Variants in RHBDL3 observed in about 807,000 individuals in gnomAD.
RHBDL3 encodes rhomboid-related protein 3.
A neutral mutation model predicts 48.2 loss-of-function variants in RHBDL3; 28 were observed. The observed-to-expected ratio is 0.58, with a 90% CI of 0.43 to 0.80. RHBDL3 has a LOEUF of 0.80. Ranked by LOEUF, RHBDL3 falls within the 30% of genes least tolerant of loss-of-function variation. The pLI is 0.00. For missense variants in RHBDL3, 464 were observed against 542.7 expected (o/e 0.85, Z 1.44); for synonymous variants, 208 against 232.3 (o/e 0.90, Z 0.95).
chr17:32,282,365 G>A (rs1279078654), intron 2 of RHBDL3, among the ~76,000 whole-genome samples: 1 of 152,102 alleles, frequency 6.6e-6, no homozygotes, highest in Non-Finnish European at 1.5e-5. Context: ...CCAGGAGTTC[G>A]AGACCAGCCT....
chr17:32,282,661 A>G (rs2040082648), intron 2 of RHBDL3, among the ~76,000 whole-genome samples: 1 of 152,018 alleles, frequency 6.6e-6, no homozygotes, highest in Admixed American at 6.5e-5. Context: ...CTCACTCTGT[A>G]GCCCAGGCTG....
intron 3 of RHBDL3, among the ~76,000 whole-genome samples, chr17:32,288,078 T>C (rs1290206289): frequency 6.6e-6 from 1 of 152,198 alleles, no homozygotes; most frequent in Non-Finnish European, 1.5e-5. Flanking sequence ...TCGGGAGTGG[T>C]GACCTTCCCC....
intron 6 of RHBDL3, among the ~76,000 whole-genome samples, chr17:32,302,239 G>A (rs1050622390): frequency 6.6e-6 from 1 of 152,192 alleles, no homozygotes; most frequent in African/African-American, 2.4e-5. Flanking sequence ...CTTCCTGCCC[G>A]GGGAGGGCCT....
intron 7 of RHBDL3, 146 bp downstream of exon 7, chr17:32,305,587 A>G (rs1475560193): frequency 6.1e-6 from 4 of 657,042 alleles, no homozygotes; most frequent in Non-Finnish European, 2.8e-6. Context: ...CACCCTCTGC[A>G]GGCCCATTTC....
chr17:32,270,362 G>A (rs1338771637), intron 2 of RHBDL3, among the ~76,000 whole-genome samples: 2 of 151,582 alleles, frequency 1.3e-5, no homozygotes, highest in Admixed American at 6.6e-5. Context: ...GATCTGCTAG[G>A]GTCTGTTTTC....
intron 2 of RHBDL3, among the ~76,000 whole-genome samples, chr17:32,273,883 G>A (rs956325564): frequency 1.3e-5 from 2 of 152,132 alleles, no homozygotes; most frequent in Admixed American, 1.3e-4. Flanking sequence ...TTACAGGCGT[G>A]TGCAATCACA....
At chr17:32,307,433 ATCTC>A (rs2040737392) in intron 7 of RHBDL3, among the ~76,000 whole-genome samples, 1 of 152,086 alleles carries the variant, frequency 6.6e-6, no homozygotes, top group Admixed American at 6.6e-5. Context: ...TTCCTTATCA[ATCTC>A]TCTGTCACCC....
At chr17:32,267,680 T>G in intron 1 of RHBDL3, 8 of 132,852 alleles carry the variant, frequency 6.0e-5, no homozygotes, top group Non-Finnish European at 8.2e-5. Flanking sequence ...ACCCCATCCC[T>G]TACTGTGAGT....
rs1380036488 is a variant in RHBDL3, at chr17:32,323,392, G to A, written c.*2163G>A. On this transcript the variant is annotated 3_prime_UTR_variant, in exon 9 of 9. Transcript: ENST00000269051. ...GGGAAGACCAGGGGAGGATGCAGAA[G>A]GAGTCAGGACATTGCTGCCTCTGCC... 6.6e-6 allele frequency: 1 copy of A among 152,360 alleles called. No individual in the cohort carries two copies. Among genetic ancestry groups the A allele is most frequent in the Non-Finnish European group, 1.5e-5 (1 of 68,160 alleles). The allele number at this position is 152,360 out of a possible 1,614,324, so 9.4% of individuals were successfully genotyped here. A position where few individuals can be genotyped will look rare whatever the true frequency, so the allele number is the denominator to read the frequency against.
chr17:32,266,351 A>G (rs1447475292), intron 1 of RHBDL3, 51 bp downstream of exon 1: 3 of 1,007,380 alleles, frequency 3.0e-6, no homozygotes, highest in South Asian at 1.7e-5. Flanking sequence ...GCCGGGGGGA[A>G]AAGCCGCCCC....
intron 2 of RHBDL3, among the ~76,000 whole-genome samples, chr17:32,273,032 C>T (rs1259775357): frequency 6.6e-6 from 1 of 152,188 alleles, no homozygotes; most frequent in East Asian, 1.9e-4. Flanking sequence ...CATAGTTTCG[C>T]TCTTGTTGCC....
At chr17:32,284,073 C>G (rs546878417) in intron 2 of RHBDL3, 2 of 152,370 alleles carry the variant, frequency 1.3e-5, no homozygotes, top group South Asian at 4.1e-4. Context: ...CTCATGCGCG[C>G]GCACAAACAC....
intron 3 of RHBDL3, among the ~76,000 whole-genome samples, chr17:32,285,903 C>T (rs1433142396): frequency 6.6e-6 from 1 of 152,198 alleles, no homozygotes; most frequent in African/African-American, 2.4e-5. Flanking sequence ...GGAGATGTTT[C>T]AACAGCCTCT....
intron 7 of RHBDL3, among the ~76,000 whole-genome samples, chr17:32,312,137 A>T (rs2040860734): frequency 6.6e-6 from 1 of 152,238 alleles, no homozygotes; most frequent in African/African-American, 2.4e-5. Context: ...CTGTCTTCAG[A>T]TAAGATATTC....
chr17:32,268,483 T>C (rs1401726138), intron 2 of RHBDL3, among the ~76,000 whole-genome samples: 2 of 152,186 alleles, frequency 1.3e-5, no homozygotes, highest in African/African-American at 4.8e-5. Flanking sequence ...AGTCCAGGTG[T>C]AGGGCATGGA....
chr17:32,283,527 G>A (rs565680868), intron 2 of RHBDL3, among the ~76,000 whole-genome samples: 48 of 151,280 alleles, frequency 3.2e-4, no homozygotes, highest in African/African-American at 1.1e-3. Context: ...GTTTCACCGT[G>A]TTAGCCAGGA....
chr17:32,283,317 CT>C (rs1156849774), intron 2 of RHBDL3, among the ~76,000 whole-genome samples: 1,242 of 92,902 alleles, frequency 0.013, 2 homozygotes, highest in African/African-American at 0.041. Flanking sequence ...GCCTTTTCTT[CT>C]TTTTTTTTTT....
At chr17:32,304,549 C>T (rs2150739300) in intron 6 of RHBDL3, among the ~76,000 whole-genome samples, 1 of 152,336 alleles carries the variant, frequency 6.6e-6, no homozygotes, top group Admixed American at 6.5e-5. Flanking sequence ...CTACTGGCGC[C>T]TGCCTCAGAG....
chr17:32,299,172 A>G (rs1236747962), intron 6 of RHBDL3, among the ~76,000 whole-genome samples: 1 of 151,632 alleles, frequency 6.6e-6, no homozygotes, highest in Non-Finnish European at 1.5e-5. Flanking sequence ...TAAAGTTGTC[A>G]TCAGGAGAGC....
Sources: gnomAD v4.1 joint callset for allele counts (sites outside exome capture counted in the v4.1 genomes callset) on GRCh38, gnomAD v4.1.1 for gene constraint, MANE v1.5 for transcripts, NCBI Gene and HGNC (gene_info 2026-07-23, HGNC 2026-07-21) for gene names.